WWOX: variants seen among roughly 807,000 people sequenced by gnomAD.
WWOX encodes WW domain containing oxidoreductase, also known as WW domain-containing oxidoreductase.
A neutral mutation model predicts 46.2 loss-of-function variants in WWOX; 69 were observed. The observed-to-expected ratio is 1.49, with a 90% CI of 1.23 to 1.82. WWOX has a LOEUF of 1.82. Among genes scored for constraint, WWOX ranks in the 40% most tolerant of loss-of-function variants. The probability of loss-of-function intolerance (pLI) is 0.00; values close to 1 mark genes in which losing one functional copy is unlikely to be tolerated. For missense variants in WWOX, 919 were observed against 542.6 expected, an observed-to-expected ratio of 1.69 and a Z score of -6.89; for synonymous variants, 359 against 202.6, an observed-to-expected ratio of 1.77 and a Z score of -6.56.
chr16:78,112,726 C>G (rs1156482696), intron 3 of WWOX, among the ~76,000 whole-genome samples: 22 of 99,892 alleles, frequency 2.2e-4, no homozygotes, highest in African/African-American at 8.3e-4. Context: ...TATACTGGGT[C>G]TTGCTCTTCT....
chr16:79,052,596 A>G (rs936925112), intron 8 of WWOX, among the ~76,000 whole-genome samples: 1 of 152,188 alleles, frequency 6.6e-6, no homozygotes, highest in Non-Finnish European at 1.5e-5. Context: ...AAAAAGTTCT[A>G]AGTTGCTAGC....
At chr16:79,190,866 T>G (rs897960317) in intron 8 of WWOX, among the ~76,000 whole-genome samples, 3 of 152,218 alleles carry the variant, frequency 2.0e-5, no homozygotes, top group Non-Finnish European at 4.4e-5. Flanking sequence ...TATCTGCCCT[T>G]TTGCAGGTAA....
At chr16:78,683,106 C>G (rs1448770114) in intron 8 of WWOX, among the ~76,000 whole-genome samples, 1 of 151,962 alleles carries the variant, frequency 6.6e-6, no homozygotes, top group Non-Finnish European at 1.5e-5. Context: ...TTGTTCTATC[C>G]CAGAAATATT....
chr16:79,004,243 T>C (rs1314401610), intron 8 of WWOX: 1 of 152,212 alleles, frequency 6.6e-6, no homozygotes, highest in African/African-American at 2.4e-5. Flanking sequence ...TAGAAGGCGC[T>C]GCACGGGGAA....
At chr16:78,368,510 A>G (rs1323534487) in intron 5 of WWOX, among the ~76,000 whole-genome samples, 1 of 152,182 alleles carries the variant, frequency 6.6e-6, no homozygotes, top group Non-Finnish European at 1.5e-5. Context: ...TAAGGCTGCA[A>G]GCGCTAGAAG....
intron 5 of WWOX, among the ~76,000 whole-genome samples, chr16:78,214,878 G>A (rs1198885410): frequency 1.3e-5 from 2 of 151,732 alleles, no homozygotes; most frequent in African/African-American, 4.8e-5. Context: ...AGCTGGGCTG[G>A]AAACTAGGGA....
intron 8 of WWOX, chr16:78,551,927 C>T (rs985274334): frequency 1.3e-5 from 2 of 152,248 alleles, no homozygotes; most frequent in African/African-American, 4.8e-5. Context: ...ACCACCCCCT[C>T]TTACCTGTGG....
rs1491253750 is a variant in WWOX at position 78,702,099 on chromosome 16, GTT to G, written c.1056+269348_1056+269349del. Among the ~76,000 whole-genome samples the G allele has an allele frequency of 1.4e-4, 6 of 41,990 alleles. No homozygotes were observed. In the Admixed American group the frequency reaches 1.4e-3, roughly 10 times the overall value. 27.5% of individuals were successfully genotyped at this position (41,990 alleles called of 152,430 possible). ...AAAGTTTTATATTTATATCTATAAA[GTT>G]ATATATATATATATATATATATTTA... On this transcript the variant is annotated intron_variant, in intron 8 of 8. Coordinates refer to ENST00000566780, the MANE Select transcript of WWOX (RefSeq NM_016373.4).
chr16:78,563,910 T>G (rs2044500930), intron 8 of WWOX, among the ~76,000 whole-genome samples: 1 of 152,220 alleles, frequency 6.6e-6, no homozygotes, highest in Non-Finnish European at 1.5e-5. Context: ...GAAACTTGAT[T>G]TGACCAATGA....
At chr16:78,275,281 G>C (rs2079556201) in intron 5 of WWOX, among the ~76,000 whole-genome samples, 1 of 152,110 alleles carries the variant, frequency 6.6e-6, no homozygotes, top group Admixed American at 6.6e-5. Context: ...AAAACTGGAA[G>C]GTCTGGCACC....
intron 5 of WWOX, among the ~76,000 whole-genome samples, chr16:78,242,717 A>G (rs1214763871): frequency 6.6e-6 from 1 of 152,112 alleles, no homozygotes; most frequent in Non-Finnish European, 1.5e-5. Context: ...AATAAGAGAT[A>G]TGAAAGCCAG....
At chr16:78,513,455 C>T (rs907509722) in intron 8 of WWOX, among the ~76,000 whole-genome samples, 1 of 152,142 alleles carries the variant, frequency 6.6e-6, no homozygotes, top group Non-Finnish European at 1.5e-5. Flanking sequence ...CCTTGAGACT[C>T]CTTCAATGGG....
chr16:78,625,118 A>G (rs530557318), intron 8 of WWOX, among the ~76,000 whole-genome samples: 12 of 152,324 alleles, frequency 7.9e-5, no homozygotes, highest in Admixed American at 2.0e-4. Context: ...CTTGGCTGCC[A>G]TTCCTAAGCT....
chr16:78,132,247 T>G (rs913281916), intron 4 of WWOX, among the ~76,000 whole-genome samples: 2 of 151,646 alleles, frequency 1.3e-5, no homozygotes, highest in Admixed American at 6.6e-5. Context: ...AGGATGGTCT[T>G]GATCTCCTGA....
chr16:78,507,008 A>G (rs1877283), intron 8 of WWOX, among the ~76,000 whole-genome samples: 138,741 of 152,178 alleles, frequency 0.91, 63,704 homozygotes, highest in Non-Finnish European at 0.97. Flanking sequence ...GCCACCGTGC[A>G]CGACCTCAGG....
In WWOX at chr16:78,466,039, G is replaced by GT. The variant is rs112254752; in HGVS notation, c.1056+33297dup. Reference sequence around the variant, plus strand: ...TTTCTTTAGTTTTTTTTGGTTTTTTGTTTTTTTTTTGAGACGGAGTCTTGC... The same window carrying GT: ...TTTCTTTAGTTTTTTTTGGTTTTTTGTTTTTTTTTTTGAGACGGAGTCTTGC... On this transcript the variant is annotated intron_variant, in intron 8 of 8. Coordinates refer to ENST00000566780, the MANE Select transcript of WWOX (RefSeq NM_016373.4). 2.9e-3 allele frequency among the ~76,000 whole-genome samples: 426 copies of GT among 148,512 alleles called. 2 individuals carry two copies. The highest frequency in any genetic ancestry group is 8.2e-3 in the African/African-American group (335 of 40,684).
chr16:78,635,455 A>G (rs1225884355), intron 8 of WWOX, among the ~76,000 whole-genome samples: 1 of 152,174 alleles, frequency 6.6e-6, no homozygotes, highest in Admixed American at 6.5e-5. Context: ...GGGAAGGAGA[A>G]TTGTGAAACA....
At chr16:78,364,410 C>T (rs1266682455) in intron 5 of WWOX, among the ~76,000 whole-genome samples, 2 of 152,124 alleles carry the variant, frequency 1.3e-5, no homozygotes, top group Non-Finnish European at 2.9e-5. Flanking sequence ...GAGAAGGCAG[C>T]ATTTTTAGTA....
chr16:78,727,794 A>G (rs1429066756), intron 8 of WWOX, among the ~76,000 whole-genome samples: 1 of 152,036 alleles, frequency 6.6e-6, no homozygotes, highest in Admixed American at 6.6e-5. Flanking sequence ...GAGACAGGGA[A>G]TGGTAGAGTG....
Sources: allele counts gnomAD v4.1 joint callset (sites outside exome capture counted in the v4.1 genomes callset), GRCh38; gene constraint gnomAD v4.1.1; transcripts MANE v1.5; gene names NCBI Gene and HGNC (gene_info 2026-07-23, HGNC 2026-07-21).